Variants in EXOC6 observed in about 807,000 individuals in gnomAD.
The protein encoded by EXOC6 is SEC15-like 1.
Under a neutral mutation model 112.5 loss-of-function variants are expected in EXOC6, and 60 were observed. The observed-to-expected ratio is 0.53, with a 90% CI of 0.43 to 0.66. The LOEUF is 0.66. Among genes scored for constraint, EXOC6 ranks in the 30% least tolerant of loss-of-function variants. The probability of loss-of-function intolerance (pLI) is 0.00; values close to 1 mark genes in which losing one functional copy is unlikely to be tolerated. For missense variants in EXOC6, 855 were observed against 957.1 expected, an observed-to-expected ratio of 0.89 and a Z score of 1.41; for synonymous variants, 295 against 308.0, an observed-to-expected ratio of 0.96 and a Z score of 0.44.
rs1010369841 is a variant in EXOC6 at position 93,058,670 on chromosome 10, A to G, written c.*315A>G. 3 of 196,990 alleles carry G rather than the reference A, an allele frequency of 1.5e-5. No individual in the cohort carries two copies. The highest frequency in any genetic ancestry group is 1.3e-4 in the South Asian group (1 of 7,540). 12.2% of individuals were successfully genotyped at this position (196,990 alleles called of 1,614,324 possible). ...ATTTGAAAAACATATGCCTCTACTC[A>G]TAAGTATTTTTTTCTATTTAGACTT... On this transcript the variant is annotated 3_prime_UTR_variant, in exon 22 of 22. Coordinates refer to ENST00000260762, the MANE Select transcript of EXOC6 (RefSeq NM_019053.6).
In EXOC6 at chr10:92,908,215, C is replaced by T. The variant is rs139347487; in HGVS notation, c.459-1212C>T. Reference sequence around the variant, plus strand: ...GATTACAGGTGTGCACTACCACGCCCGACTAATTTTTATATTTTTAGTAGG... The same window carrying T: ...GATTACAGGTGTGCACTACCACGCCTGACTAATTTTTATATTTTTAGTAGG... On this transcript the variant is annotated intron_variant, in intron 5 of 21. Coordinates refer to ENST00000260762, the MANE Select transcript of EXOC6 (RefSeq NM_019053.6). 1.1e-4 allele frequency among the ~76,000 whole-genome samples: 17 copies of T among 151,732 alleles called. No individual in the cohort carries two copies. The East Asian group carries it at 1.6e-3, about 14-fold the overall frequency.
intron 1 of EXOC6, among the ~76,000 whole-genome samples, chr10:92,860,225 A>G (rs1026529305): frequency 1.4e-5 from 2 of 147,990 alleles, no homozygotes; most frequent in East Asian, 4.0e-4. Flanking sequence ...ATTAAGTACA[A>G]TTTACATTGT....
At position 92,897,170 on chromosome 10, in the gene EXOC6, C is replaced by T. The variant is rs548416542; in HGVS notation, c.412+2150C>T. Among the ~76,000 whole-genome samples the T allele has an allele frequency of 2.0e-5, 3 of 152,254 alleles. No individual in the cohort carries two copies. In the South Asian group the frequency reaches 6.2e-4, roughly 32 times the overall value. ...GAGCAAGAGCCAAATTCAGCTTATT[C>T]CCCTACTGGGCTATGTAAAATAGAG... On this transcript the variant is annotated intron_variant, in intron 4 of 21. Transcript: ENST00000260762.
chr10:93,020,470 G>C (rs1350117240), intron 20 of EXOC6, among the ~76,000 whole-genome samples: 1 of 151,966 alleles, frequency 6.6e-6, no homozygotes, highest in Admixed American at 6.6e-5. Context: ...CCAATAATTA[G>C]CTTATAGACT....
At chr10:92,922,031 C>T (rs112109540) in intron 8 of EXOC6, among the ~76,000 whole-genome samples, 12 of 151,934 alleles carry the variant, frequency 7.9e-5, no homozygotes, top group East Asian at 1.9e-4. Context: ...CTACAACCTG[C>T]GCCTCCTGGG....
intron 19 of EXOC6, among the ~76,000 whole-genome samples, chr10:93,002,142 C>A (rs1017691253): frequency 2.6e-5 from 4 of 152,124 alleles, no homozygotes; most frequent in African/African-American, 9.7e-5. Context: ...ATTCCTCCCC[C>A]CCTTTTTTGG....
intron 5 of EXOC6, among the ~76,000 whole-genome samples, chr10:92,902,195 G>C (rs1341541815): frequency 2.0e-5 from 3 of 151,956 alleles, no homozygotes; most frequent in African/African-American, 7.3e-5. Flanking sequence ...GATGTCCTTT[G>C]ATGTGGTGGG....
At position 92,910,338 on chromosome 10, in the gene EXOC6, C is replaced by G. The variant is rs1010274600; in HGVS notation, c.663+707C>G. On this transcript the variant is annotated intron_variant, in intron 6 of 21. Coordinates refer to ENST00000260762, the MANE Select transcript of EXOC6 (RefSeq NM_019053.6). Reference sequence around the variant, plus strand: ...CTAATGCAACAACATGTATGAATCTCACAGATGTGTTGAGCCACAGAAATT... The same window carrying G: ...CTAATGCAACAACATGTATGAATCTGACAGATGTGTTGAGCCACAGAAATT... 2.6e-5 allele frequency among the ~76,000 whole-genome samples: 4 copies of G among 152,264 alleles called. No individual in the cohort carries two copies. In the East Asian group the frequency reaches 7.7e-4, roughly 29 times the overall value.
In EXOC6 at chr10:92,909,505, G is replaced by T; in HGVS notation, c.537G>T (p.Gln179His). 1.2e-6 allele frequency: 2 copies of T among 1,613,498 alleles called. No homozygotes were observed. The highest frequency in any genetic ancestry group is 1.7e-6 in the Non-Finnish European group (2 of 1,179,588). The change falls in exon 6 of 22, where the codon CAG becomes CAT. Residue 179 changes from glutamine (Q) to histidine (H), a missense_variant. Physicochemically the swap from Gln to His is conservative, Grantham distance 24. This residue lies in a region of EXOC6 where 405 missense variants were observed against 393.6 expected (regional missense o/e 1.03). Transcript: ENST00000260762. ...FPWVSQYRFC[Q>H]LMIENLPKLR... The stretch of plus-strand genomic sequence containing the variant: ...GGGTTAGTCAATACCGGTTTTGTCA[G>T]CTCATGATAGAAAATCTTCCCAAAC...
intron 19 of EXOC6, among the ~76,000 whole-genome samples, chr10:93,010,502 C>T (rs1162257164): frequency 1.3e-5 from 2 of 151,778 alleles, no homozygotes; most frequent in East Asian, 3.9e-4. Context: ...AAGTTTGAGA[C>T]CAGCTGGCCA....
At chr10:92,982,899 C>T (rs865993521) in intron 18 of EXOC6, among the ~76,000 whole-genome samples, 34 of 152,104 alleles carry the variant, frequency 2.2e-4, no homozygotes, top group African/African-American at 7.7e-4. Flanking sequence ...TTTTAATTTG[C>T]ATTTTTAGTT....
intron 13 of EXOC6, among the ~76,000 whole-genome samples, chr10:92,941,549 T>G (rs760091295): frequency 2.6e-5 from 4 of 152,200 alleles, no homozygotes; most frequent in African/African-American, 4.8e-5. Context: ...AGTTTTTAAT[T>G]ATACTTGCTT....
chr10:92,834,846 T>C lies in EXOC6; in HGVS notation c.86+22T>C, dbSNP rs375628291. ...TAAGGTAGGGCACCGTTGCATTTTA[T>C]TGTGTCTTCTTTAGCGGTGATAAGG... is the stretch of plus-strand genomic sequence containing the variant. On this transcript the variant is annotated intron_variant, in intron 1 of 21. Transcript: ENST00000371552. 60 of 1,460,226 alleles carry C rather than the reference T, an allele frequency of 4.1e-5. 1 individual carries two copies. The African/African-American group carries it at 4.7e-4, about 12-fold the overall frequency. 90.5% of individuals were successfully genotyped at this position (1,460,226 alleles called of 1,614,324 possible). A position where few individuals can be genotyped will look rare whatever the true frequency, so the allele number is the denominator to read the frequency against.
At chr10:92,845,575 C>T (rs1389654057), upstream of EXOC6, among the ~76,000 whole-genome samples, 1 of 141,282 alleles carries the variant, frequency 7.1e-6, no homozygotes, top group African/African-American at 2.7e-5. Context: ...AAAAAAAAAT[C>T]ATTTATCCCT....
intron 20 of EXOC6, among the ~76,000 whole-genome samples, chr10:93,025,044 A>C (rs1374565878): frequency 6.6e-6 from 1 of 152,252 alleles, no homozygotes; most frequent in African/African-American, 2.4e-5. Context: ...GACAGGAGAC[A>C]GAATCAAAGT....
intron 13 of EXOC6, among the ~76,000 whole-genome samples, chr10:92,942,025 G>A (rs1852696315): frequency 6.6e-6 from 1 of 152,200 alleles, no homozygotes; most frequent in African/African-American, 2.4e-5. Context: ...TACGTTAGAT[G>A]ATTTAATACC....
chr10:93,039,059 C>T (rs1183738527), intron 20 of EXOC6, among the ~76,000 whole-genome samples: 1 of 152,048 alleles, frequency 6.6e-6, no homozygotes, highest in Non-Finnish European at 1.5e-5. Context: ...TGGCTCATGC[C>T]TGTAATCCCA....
chr10:92,967,738 A>G (rs1007092847), intron 17 of EXOC6, among the ~76,000 whole-genome samples: 1 of 152,198 alleles, frequency 6.6e-6, no homozygotes, highest in Non-Finnish European at 1.5e-5. Flanking sequence ...GCAGCGAAAG[A>G]TAGGAGCAAT....
rs536462283 is a variant in EXOC6, at chr10:92,986,117, T to G, written c.1954-11357T>G. On this transcript the variant is annotated intron_variant, in intron 18 of 21. Transcript: ENST00000260762. ...AATGATATATTGTGAACTGTGATAC[T>G]TTCATTATCACATCCTGTGACATAC... is the stretch of plus-strand genomic sequence containing the variant. Among the ~76,000 whole-genome samples, 497 of 152,314 alleles carry G rather than the reference T, an allele frequency of 3.3e-3. 3 individuals are homozygous for G. The highest frequency in any genetic ancestry group is 6.2e-3 in the Non-Finnish European group (419 of 68,016).
Sources: gnomAD v4.1 joint callset for allele counts (sites outside exome capture counted in the v4.1 genomes callset) on GRCh38, gnomAD v4.1.1 for gene constraint, gnomAD v4.1.1 regional missense constraint, MANE v1.5 for transcripts, NCBI Gene and HGNC (gene_info 2026-07-23, HGNC 2026-07-21) for gene names.